SMARCA4: variants seen among roughly 807,000 people sequenced by gnomAD.
SMARCA4 encodes SWI/SNF-related matrix-associated actin-dependent regulator of chromatin subfamily A member 4.
SMARCA4 carries 31 observed loss-of-function variants against 193.9 expected under a neutral mutation model. The observed-to-expected ratio is 0.16, with a 90% CI of 0.12 to 0.22. SMARCA4 has a LOEUF of 0.22. Among genes scored for constraint, SMARCA4 ranks in the 10% least tolerant of loss-of-function variants. SMARCA4 has a pLI of 1.00. For synonymous variants in SMARCA4, 942 were observed against 933.1 expected (o/e 1.01, Z -0.17); for missense variants, 1,148 against 2,296.0 (o/e 0.50, Z 10.22).
At chr19:11,023,456 T>G in intron 19 of SMARCA4, 62 bp from the exon 20 acceptor site, 20 of 1,066,252 alleles carry the variant, frequency 1.9e-5, no homozygotes, top group East Asian at 2.4e-5. Flanking sequence ...CACCTTCTAG[T>G]GAGACCTCTG....
Position 10,991,338 on chromosome 19 carries a change from C to T in SMARCA4, c.1419+15C>T, listed in dbSNP as rs1265190295. ...AGAAGCACCAGGTACGCTCCGGTGG[C>T]CCCAAGGCCCTGCAGCCCGCCCACC... On this transcript the variant is annotated intron_variant, in intron 8 of 34. Transcript: ENST00000344626. The T allele has an allele frequency of 3.8e-6, 6 of 1,576,506 alleles. No individual in the cohort carries two copies. The highest frequency in any genetic ancestry group is 1.2e-5 in the South Asian group (1 of 86,594).
At chr19:11,036,322 T>C (rs924145657) in intron 29 of SMARCA4, among the ~76,000 whole-genome samples, 4 of 152,250 alleles carry the variant, frequency 2.6e-5, no homozygotes, top group African/African-American at 4.8e-5. Flanking sequence ...AAAGTCTTGC[T>C]GTGTTACCCA....
chr19:11,012,124 C>T (rs1264346221), intron 15 of SMARCA4: 1 of 152,372 alleles, frequency 6.6e-6, no homozygotes, highest in Non-Finnish European at 1.5e-5. Context: ...GTGATGCCAG[C>T]ACTTTGGGAG....
chr19:10,988,518 C>G (rs2086267770), intron 6 of SMARCA4, among the ~76,000 whole-genome samples: 1 of 152,190 alleles, frequency 6.6e-6, no homozygotes, highest in African/African-American at 2.4e-5. Flanking sequence ...TGCCCAGCAT[C>G]CTTCCTCACC....
At chr19:11,050,574 C>A (rs2076202549) in intron 30 of SMARCA4, among the ~76,000 whole-genome samples, 1 of 152,262 alleles carries the variant, frequency 6.6e-6, no homozygotes, top group Admixed American at 6.5e-5. Context: ...CTGGCAGGGG[C>A]TGGCTGCTAC....
At chr19:11,051,228 A>G (rs1025398225) in intron 30 of SMARCA4, among the ~76,000 whole-genome samples, 3 of 152,188 alleles carry the variant, frequency 2.0e-5, no homozygotes, top group Admixed American at 6.5e-5. Flanking sequence ...TTTACATAAC[A>G]CAAATAAACA....
intron 1 of SMARCA4, among the ~76,000 whole-genome samples, chr19:10,963,646 C>T (rs1205488679): frequency 1.3e-5 from 2 of 152,148 alleles, no homozygotes; most frequent in Non-Finnish European, 2.9e-5. Flanking sequence ...GTAGGGCCCC[C>T]CACTTGTGAA....
In SMARCA4 at chr19:10,984,907, A is replaced by G. The variant is rs111917578; in HGVS notation, c.223-366A>G. ...CTTTTGCATGTCCCTGGATGTGGTT[A>G]GAGGACATATTCCCTTATACATACA... On this transcript the variant is annotated intron_variant, in intron 2 of 34. Coordinates refer to ENST00000344626, the MANE Select transcript of SMARCA4 (RefSeq NM_003072.5). This position sits in a 1 kb window ranked among gnomAD's most constrained non-coding sequence, Gnocchi z 4.3. Among the ~76,000 whole-genome samples the G allele has an allele frequency of 3.1e-4, 47 of 152,204 alleles. No homozygotes were observed. Among genetic ancestry groups the G allele is most frequent in the Admixed American group, 5.2e-4 (8 of 15,286 alleles).
intron 8 of SMARCA4, among the ~76,000 whole-genome samples, chr19:10,991,947 A>C (rs2086596059): frequency 6.6e-6 from 1 of 152,190 alleles, no homozygotes; most frequent in Non-Finnish European, 1.5e-5. Context: ...GGGTTTCCCA[A>C]GATGAATCAG....
rs182602020 is a variant in SMARCA4, at chr19:11,010,376, C to T, written c.2124-5C>T. ...CCTTACCCGGCACCTCCATCTCACT[C>T]CCAGGAATGCCAAGCAAGATGTCGA... On this transcript the variant is annotated splice_region_variant and splice_polypyrimidine_tract_variant and intron_variant, in intron 14 of 34. Coordinates refer to ENST00000344626, the MANE Select transcript of SMARCA4 (RefSeq NM_003072.5). 2 of 1,613,994 alleles carry T rather than the reference C, an allele frequency of 1.2e-6. No individual in the cohort carries two copies. Among genetic ancestry groups the T allele is most frequent in the African/African-American group, 1.3e-5 (1 of 75,050 alleles).
intron 18 of SMARCA4, chr19:11,020,535 T>G (rs923867059): frequency 6.6e-6 from 1 of 151,796 alleles, no homozygotes; most frequent in Non-Finnish European, 1.5e-5. Context: ...CTCACCCTCC[T>G]GAGTAGCTGG....
chr19:11,059,153 T>A (rs937862068), intron 32 of SMARCA4: 2 of 452,508 alleles, frequency 4.4e-6, no homozygotes, highest in African/African-American at 3.9e-5. Flanking sequence ...CTTGGGATAT[T>A]TTAGCAATTA....
intron 6 of SMARCA4, 94 bp downstream of exon 6, chr19:10,988,018 A>G: frequency 7.5e-7 from 1 of 1,335,894 alleles, no homozygotes; most frequent in Non-Finnish European, 1.1e-6. Flanking sequence ...TCTAGCAAAC[A>G]GTGCCCTGTG....
Position 11,034,287 on chromosome 19 carries a change from G to T in SMARCA4, c.3951+87G>T. 9.4e-7 allele frequency: 1 copy of T among 1,068,430 alleles called. No homozygotes were observed. The highest frequency in any genetic ancestry group is 1.4e-6 in the Non-Finnish European group (1 of 690,030). 66.2% of individuals were successfully genotyped at this position (1,068,430 alleles called of 1,614,324 possible). Reference sequence around the variant, plus strand: ...AGCAGACGTCCTAGTGCCCATGGTGGTATCCCTAGCAGGTCAGGGAGCCAG... The same window carrying T: ...AGCAGACGTCCTAGTGCCCATGGTGTTATCCCTAGCAGGTCAGGGAGCCAG... On this transcript the variant is annotated intron_variant, in intron 28 of 34. Coordinates refer to ENST00000344626, the MANE Select transcript of SMARCA4 (RefSeq NM_003072.5). The surrounding 1 kb of genome is among the most constrained non-coding windows in gnomAD (Gnocchi z 7.0).
At chr19:11,056,011 C>T (rs1043391413) in intron 30 of SMARCA4, among the ~76,000 whole-genome samples, 1 of 152,200 alleles carries the variant, frequency 6.6e-6, no homozygotes, top group Non-Finnish European at 1.5e-5. Flanking sequence ...GTGTAAAGCG[C>T]AACTCTTGCT....
chr19:11,012,850 G>A (rs1386139906), intron 15 of SMARCA4, 99 bp from the exon 16 acceptor site: 1 of 1,115,402 alleles, frequency 9.0e-7, no homozygotes, highest in African/African-American at 1.5e-5. Context: ...GGCTTAGGCA[G>A]AACTCGTGGC....
intron 1 of SMARCA4, among the ~76,000 whole-genome samples, chr19:10,976,913 C>T (rs2085177379): frequency 6.6e-6 from 1 of 151,748 alleles, no homozygotes; most frequent in African/African-American, 2.4e-5. Context: ...AAAAATTAGC[C>T]AGGTTCGGCA....
chr19:11,045,268 C>T (rs768732509), intron 30 of SMARCA4, among the ~76,000 whole-genome samples: 2 of 152,068 alleles, frequency 1.3e-5, no homozygotes, highest in South Asian at 2.1e-4. Context: ...TGCAGTGAGC[C>T]GAGACCGCGC....
At chr19:11,056,940 C>T (rs2076579249) in intron 30 of SMARCA4, among the ~76,000 whole-genome samples, 1 of 152,232 alleles carries the variant, frequency 6.6e-6, no homozygotes, top group Non-Finnish European at 1.5e-5. Flanking sequence ...GCACTCAGGA[C>T]ACCCAAACAG....
Sources: allele counts gnomAD v4.1 joint callset (sites outside exome capture counted in the v4.1 genomes callset), GRCh38; gene constraint gnomAD v4.1.1; non-coding constraint Gnocchi (gnomAD v3.1); transcripts MANE v1.5; gene names NCBI Gene and HGNC (gene_info 2026-07-23, HGNC 2026-07-21).